The following ZRANB3 variants were observed in gnomAD, a reference collection of about 807,000 sequenced individuals.
ZRANB3 encodes zinc finger RANBP2-type containing 3.
ZRANB3 carries 125 observed loss-of-function variants against 133.8 expected under a neutral mutation model. The observed-to-expected ratio is 0.93, with a 90% CI of 0.81 to 1.08. The LOEUF is 1.08. ZRANB3 is among the 50% of genes least tolerant of loss of function. The pLI, the probability that ZRANB3 is intolerant of heterozygous loss-of-function variation, is 0.00. For missense variants in ZRANB3, 1,229 were observed against 1,275.5 expected, an observed-to-expected ratio of 0.96 and a Z score of 0.56; for synonymous variants, 387 against 432.7, an observed-to-expected ratio of 0.89 and a Z score of 1.31.
At chr2:135,296,436 T>C (rs536861515) in intron 8 of ZRANB3, among the ~76,000 whole-genome samples, 47 of 152,330 alleles carry the variant, frequency 3.1e-4, no homozygotes, top group Non-Finnish European at 4.7e-4. Context: ...CATCAGGTCC[T>C]TTAAGTACTT....
chr2:135,508,392 C>G (rs901558868), intron 1 of ZRANB3, among the ~76,000 whole-genome samples: 43 of 152,202 alleles, frequency 2.8e-4, no homozygotes, highest in African/African-American at 1.0e-3. Context: ...CCGCCTCTGC[C>G]TCCCAAAGTG....
chr2:135,300,693 C>T (rs1468435912), intron 8 of ZRANB3, among the ~76,000 whole-genome samples: 1 of 152,172 alleles, frequency 6.6e-6, no homozygotes, highest in African/African-American at 2.4e-5. Flanking sequence ...GATTGCACTG[C>T]CTTAATCTAT....
intron 8 of ZRANB3, among the ~76,000 whole-genome samples, chr2:135,303,509 A>G (rs1682543377): frequency 6.6e-6 from 1 of 152,108 alleles, no homozygotes; most frequent in Admixed American, 6.5e-5. Context: ...TCCTTTCTTA[A>G]CAGATCAACT....
intron 2 of ZRANB3, among the ~76,000 whole-genome samples, chr2:135,405,000 C>T (rs1288699878): frequency 2.6e-5 from 4 of 152,246 alleles, no homozygotes; most frequent in African/African-American, 9.6e-5. Flanking sequence ...GGACTAAATG[C>T]TCCAATTAAA....
chr2:135,267,579 A>T (rs1680309161), intron 11 of ZRANB3, among the ~76,000 whole-genome samples: 1 of 152,190 alleles, frequency 6.6e-6, no homozygotes, highest in Non-Finnish European at 1.5e-5. Flanking sequence ...TTCAAACCAT[A>T]GCAATAATTA....
At position 135,470,804 on chromosome 2, in the gene ZRANB3, C is replaced by CT. The variant is rs1433904778; in HGVS notation, c.161+33524dup. On this transcript the variant is annotated intron_variant, in intron 2 of 20. Coordinates refer to ENST00000264159, the MANE Select transcript of ZRANB3 (RefSeq NM_032143.4). ...TTTTTAATGATCACGAAATTTCTTT[C>CT]TTTTTTTTTTTTTTTGAGATGGAGT... is the stretch of plus-strand genomic sequence containing the variant. Among the ~76,000 whole-genome samples the CT allele has an allele frequency of 4.6e-3, 642 of 138,746 alleles. 1 individual carries two copies. The highest frequency in any genetic ancestry group is 7.4e-3 in the South Asian group (32 of 4,330). 91.0% of individuals were successfully genotyped at this position (138,746 alleles called of 152,430 possible).
chr2:135,219,077 C>A lies in ZRANB3; in HGVS notation c.2352G>T (p.Leu784=). 6.8e-7 allele frequency: 1 copy of A among 1,476,840 alleles called. No homozygotes were observed. The highest frequency in any genetic ancestry group is 2.6e-5 in the East Asian group (1 of 38,526). The allele number at this position is 1,476,840 out of a possible 1,614,324, so 91.5% of individuals were successfully genotyped here. The change falls in exon 16 of 21, where the codon CTG becomes CTT. Residue 784 remains leucine (L), a splice_region_variant and synonymous_variant. Coordinates refer to ENST00000264159, the MANE Select transcript of ZRANB3 (RefSeq NM_032143.4). The part of the protein sequence containing the change: ...ASFQLKQYRS[L]ILRFVREWSS... ...CCATTTTATTTAAAACTATTCTTAC[C>A]AGTGAGCGATATTGTTTCAGCTGAA...
At chr2:135,388,952 C>A (rs1326749354) in intron 3 of ZRANB3, among the ~76,000 whole-genome samples, 1 of 152,092 alleles carries the variant, frequency 6.6e-6, no homozygotes, top group African/African-American at 2.4e-5. Context: ...GTGGCAGGTG[C>A]CTGTAGTCCC....
At chr2:135,486,716 GT>G (rs1692139977) in intron 2 of ZRANB3, among the ~76,000 whole-genome samples, 1 of 152,102 alleles carries the variant, frequency 6.6e-6, no homozygotes, top group South Asian at 2.1e-4. Context: ...ATTTTGCCAT[GT>G]TGACTAGGCT....
chr2:135,458,461 T>C (rs1690624534), intron 2 of ZRANB3, among the ~76,000 whole-genome samples: 1 of 152,094 alleles, frequency 6.6e-6, no homozygotes, highest in South Asian at 2.1e-4. Context: ...CAGTTGATTT[T>C]AGACATGCTG....
intron 2 of ZRANB3, among the ~76,000 whole-genome samples, chr2:135,496,403 A>C (rs1055197648): frequency 2.0e-5 from 3 of 150,248 alleles, no homozygotes; most frequent in Non-Finnish European, 3.0e-5. Flanking sequence ...AAAAAAAAAA[A>C]AAAAAAAAAC....
chr2:135,475,721 G>A (rs1018664516), intron 2 of ZRANB3, among the ~76,000 whole-genome samples: 1 of 152,168 alleles, frequency 6.6e-6, no homozygotes, highest in African/African-American at 2.4e-5. Flanking sequence ...AACATACACA[G>A]TGCCAAAGGA....
intron 8 of ZRANB3, among the ~76,000 whole-genome samples, chr2:135,307,220 C>T (rs1391884999): frequency 6.6e-6 from 1 of 152,108 alleles, no homozygotes. Context: ...CGTGTACCAT[C>T]ACACTGAGCT....
chr2:135,475,959 T>A (rs937036182), intron 2 of ZRANB3, among the ~76,000 whole-genome samples: 2 of 152,048 alleles, frequency 1.3e-5, no homozygotes, highest in African/African-American at 4.8e-5. Flanking sequence ...GTGCCTGTAA[T>A]CCCACTTACT....
chr2:135,361,641 T>A (rs547804004), intron 3 of ZRANB3, among the ~76,000 whole-genome samples: 1 of 152,252 alleles, frequency 6.6e-6, no homozygotes, highest in South Asian at 2.1e-4. Flanking sequence ...GATAGGTAGG[T>A]TTGTCTTTAA....
intron 8 of ZRANB3, among the ~76,000 whole-genome samples, chr2:135,301,735 C>T (rs1424544556): frequency 6.6e-6 from 1 of 152,160 alleles, no homozygotes; most frequent in East Asian, 1.9e-4. Flanking sequence ...GATGTCTTTC[C>T]TGCACCCTCA....
chr2:135,466,939 G>A (rs565326263), intron 2 of ZRANB3, among the ~76,000 whole-genome samples: 4 of 152,244 alleles, frequency 2.6e-5, no homozygotes, highest in Admixed American at 2.0e-4. Context: ...GATTACAGGC[G>A]TGAGCTACCG....
intron 3 of ZRANB3, among the ~76,000 whole-genome samples, chr2:135,371,818 G>T (rs551420775): frequency 4.6e-5 from 7 of 152,288 alleles, no homozygotes; most frequent in African/African-American, 1.4e-4. Context: ...GGAGGTGGAG[G>T]TGGAGGCTTT....
intron 3 of ZRANB3, among the ~76,000 whole-genome samples, chr2:135,387,739 T>C (rs929422617): frequency 6.6e-6 from 1 of 152,224 alleles, no homozygotes; most frequent in Non-Finnish European, 1.5e-5. Context: ...GTGGAAGTTT[T>C]TTTTAAGTAT....
Sources: gnomAD v4.1 joint callset for allele counts (sites outside exome capture counted in the v4.1 genomes callset) on GRCh38, gnomAD v4.1.1 for gene constraint, MANE v1.5 for transcripts, NCBI Gene and HGNC (gene_info 2026-07-23, HGNC 2026-07-21) for gene names.